Variants in SLC1A4 observed in about 807,000 individuals in gnomAD.
The protein encoded by SLC1A4 is solute carrier family 1 member 4.
A neutral mutation model predicts 37.7 loss-of-function variants in SLC1A4; 19 were observed. That is an observed-to-expected ratio of 0.50 (90% CI 0.35 to 0.74). The LOEUF (loss-of-function observed/expected upper bound fraction) is 0.74. SLC1A4 is among the 30% of genes least tolerant of loss of function. The pLI is 0.01. For missense variants in SLC1A4, 570 were observed against 712.9 expected (o/e 0.80, Z 2.28); for synonymous variants, 299 against 309.8 (o/e 0.97, Z 0.37).
chr2:64,990,018 ACT>A lies in SLC1A4; in HGVS notation c.376_377del (p.Leu126GlufsTer70). On this transcript the variant is annotated frameshift_variant, in exon 1 of 8. Coordinates refer to ENST00000234256, the MANE Select transcript of SLC1A4 (RefSeq NM_003038.5). LOFTEE classifies it high-confidence loss of function. Reference protein sequence around the residue: ...IAVAYFGLTTLSASALAVALA... With the variant: ...IAVAYFGLTTXSASALAVALA... ...CTGTCGCCTACTTTGGCCTCACCAC[ACT>A]GAGTGCCTCGGCGCTCGCCGTGGCC... The A allele has an allele frequency of 4.4e-6, 7 of 1,602,308 alleles. No individual in the cohort carries two copies. Among genetic ancestry groups the A allele is most frequent in the Non-Finnish European group, 6.0e-6 (7 of 1,174,580 alleles).
At chr2:65,009,063 A>G (rs1325434284) in intron 3 of SLC1A4, among the ~76,000 whole-genome samples, 1 of 152,204 alleles carries the variant, frequency 6.6e-6, no homozygotes, top group Non-Finnish European at 1.5e-5. Flanking sequence ...CTCACAATGA[A>G]AAGTTGGAAG....
At chr2:65,002,638 C>T (rs1405467952) in intron 2 of SLC1A4, among the ~76,000 whole-genome samples, 21 of 131,090 alleles carry the variant, frequency 1.6e-4, no homozygotes, top group Non-Finnish European at 2.9e-4. Context: ...AGTGCAGTGG[C>T]GCGATCTTGG....
chr2:65,005,979 G>C (rs1673655624), intron 3 of SLC1A4, among the ~76,000 whole-genome samples: 1 of 152,148 alleles, frequency 6.6e-6, no homozygotes, highest in Non-Finnish European at 1.5e-5. Flanking sequence ...CTCCAGCCTG[G>C]GCAACAGAGC....
At chr2:65,004,206 A>G (rs1304210189) in intron 3 of SLC1A4, among the ~76,000 whole-genome samples, 191 bp downstream of exon 3, 1 of 152,108 alleles carries the variant, frequency 6.6e-6, no homozygotes, top group Non-Finnish European at 1.5e-5. Flanking sequence ...TCAAAGCACT[A>G]CAATCCTCAG....
At chr2:64,989,018 G>T (rs976020822), upstream of SLC1A4, among the ~76,000 whole-genome samples, 10 of 152,160 alleles carry the variant, frequency 6.6e-5, no homozygotes, top group African/African-American at 2.4e-4. Context: ...TGGCCCCGAG[G>T]ACTCAGATCC....
In SLC1A4 at chr2:65,021,806, G is replaced by C. The variant is rs1258707517; in HGVS notation, c.*660G>C. 1 of 152,620 alleles carries C rather than the reference G, an allele frequency of 6.6e-6. No homozygotes were observed. Among genetic ancestry groups the C allele is most frequent in the African/African-American group, 2.4e-5 (1 of 41,448 alleles). 9.5% of individuals were successfully genotyped at this position (152,620 alleles called of 1,614,324 possible). Reference sequence around the variant, plus strand: ...CTTAGGTAAACAACTTAGATTCTGAGGTCAAAGAAAAAAGGAGAGGGAATG... The same window carrying C: ...CTTAGGTAAACAACTTAGATTCTGACGTCAAAGAAAAAAGGAGAGGGAATG... On this transcript the variant is annotated 3_prime_UTR_variant, in exon 8 of 8. Transcript: ENST00000234256.
intron 1 of SLC1A4, among the ~76,000 whole-genome samples, chr2:64,992,614 T>C (rs1673101976): frequency 6.6e-6 from 1 of 152,218 alleles, no homozygotes. Flanking sequence ...CTCAAGGTCA[T>C]GGAGTGGCTT....
intron 4 of SLC1A4, 147 bp downstream of exon 4, chr2:65,010,910 G>A (rs1017285197): frequency 1.3e-6 from 1 of 780,920 alleles, no homozygotes; most frequent in South Asian, 1.9e-5. Flanking sequence ...GCTTGGTACA[G>A]GGGATGATGG....
chr2:64,997,199 T>C (rs1309788439), intron 1 of SLC1A4, among the ~76,000 whole-genome samples: 1 of 152,092 alleles, frequency 6.6e-6, no homozygotes, highest in Non-Finnish European at 1.5e-5. Context: ...TTCCCAGAGA[T>C]TGTTATCTGA....
Position 65,018,332 on chromosome 2 carries a change from A to G in SLC1A4, c.1229+67A>G. On this transcript the variant is annotated intron_variant, in intron 6 of 7. Transcript: ENST00000234256. This position sits in a 1 kb window ranked among gnomAD's most constrained non-coding sequence, Gnocchi z 4.3. ...TTCTTGTGATTTCCTTTGAAAAACCAATCTCACCACAACTTGGTGTCTCGC... is the reference window on the plus strand; with the variant it reads ...TTCTTGTGATTTCCTTTGAAAAACCGATCTCACCACAACTTGGTGTCTCGC... 6.5e-7 allele frequency: 1 copy of G among 1,528,202 alleles called. No individual in the cohort carries two copies. Among genetic ancestry groups the G allele is most frequent in the Non-Finnish European group, 9.0e-7 (1 of 1,116,008 alleles). The allele number at this position is 1,528,202 out of a possible 1,614,324, so 94.7% of individuals were successfully genotyped here.
upstream of SLC1A4, among the ~76,000 whole-genome samples, chr2:64,988,952 T>G (rs1264470341): frequency 7.2e-6 from 1 of 139,564 alleles, no homozygotes; most frequent in Non-Finnish European, 1.6e-5. Context: ...CTCCCTCCCC[T>G]CCCACAGTCC....
intron 2 of SLC1A4, among the ~76,000 whole-genome samples, chr2:65,003,047 G>C (rs1363663357): frequency 6.6e-6 from 1 of 152,166 alleles, no homozygotes; most frequent in African/African-American, 2.4e-5. Flanking sequence ...TATATATAAT[G>C]TGAGGTAGGA....
rs565603410 is a variant in SLC1A4, at chr2:65,001,629, C to CA, written c.570+141dup. ...TGGTAAGATTGGCCTAAACTTTTATCAATGGGTACCTAGAGTTAAAAAACA... is the reference window on the plus strand; with the variant it reads ...TGGTAAGATTGGCCTAAACTTTTATCAAATGGGTACCTAGAGTTAAAAAACA... On this transcript the variant is annotated intron_variant, in intron 2 of 7. Transcript: ENST00000234256. The CA allele has an allele frequency of 6.8e-4, 427 of 626,948 alleles. 3 individuals are homozygous for CA. The highest frequency in any genetic ancestry group is 8.8e-4 in the South Asian group (42 of 47,904). The allele number at this position is 626,948 out of a possible 1,614,324, so 38.8% of individuals were successfully genotyped here. A position where few individuals can be genotyped will look rare whatever the true frequency, so the allele number is the denominator to read the frequency against.
At chr2:65,008,702 A>C (rs974126360) in intron 3 of SLC1A4, among the ~76,000 whole-genome samples, 3 of 152,240 alleles carry the variant, frequency 2.0e-5, no homozygotes, top group African/African-American at 7.2e-5. Flanking sequence ...TAACATTTTA[A>C]GAGGAAGACA....
Position 65,010,752 on chromosome 2 carries a change from C to T in SLC1A4, c.789C>T (p.Ser263=). 1 of 1,612,604 alleles carries T rather than the reference C, an allele frequency of 6.2e-7. No homozygotes were observed. The highest frequency in any genetic ancestry group is 8.5e-7 in the Non-Finnish European group (1 of 1,179,430). The change falls in exon 4 of 8, where the codon TCC becomes TCT. Residue 263 remains serine (S), a synonymous_variant. Transcript: ENST00000234256. ...SLNEATMVLV[S]WIMWYVPVGI... is the part of the protein sequence containing the mutation. ...ACGAGGCGACGATGGTGCTGGTGTC[C>T]TGGATTATGTGGTGAGTGCTGCTTT...
Position 65,023,663 on chromosome 2 carries a change from T to G in SLC1A4, c.*2517T>G, listed in dbSNP as rs999326720. The G allele has an allele frequency of 6.6e-6, 1 of 152,628 alleles. No homozygotes were observed. The highest frequency in any genetic ancestry group is 2.4e-5 in the African/African-American group (1 of 41,432). The allele number at this position is 152,628 out of a possible 1,614,324, so 9.5% of individuals were successfully genotyped here. A position where few individuals can be genotyped will look rare whatever the true frequency, so the allele number is the denominator to read the frequency against. Reference sequence around the variant, plus strand: ...TGCTGTCTATCTTCCTGGTTTTCAGTCCACAGAGTCGGTAGACCAGGGGTT... The same window carrying G: ...TGCTGTCTATCTTCCTGGTTTTCAGGCCACAGAGTCGGTAGACCAGGGGTT... On this transcript the variant is annotated 3_prime_UTR_variant, in exon 8 of 8. Transcript: ENST00000234256.
chr2:65,011,884 T>C (rs1673934870), intron 4 of SLC1A4, among the ~76,000 whole-genome samples: 1 of 152,034 alleles, frequency 6.6e-6, no homozygotes, highest in Non-Finnish European at 1.5e-5. Context: ...TTCTCCTGCC[T>C]CAGCCTCCCG....
At chr2:65,004,172 C>T (rs1003480070) in intron 3 of SLC1A4, among the ~76,000 whole-genome samples, 157 bp downstream of exon 3, 4 of 118,406 alleles carry the variant, frequency 3.4e-5, no homozygotes, top group African/African-American at 1.3e-4. Flanking sequence ...TGGCCAAATA[C>T]CATGGCCAAA....
At chr2:64,994,514 T>A (rs1673177314) in intron 1 of SLC1A4, among the ~76,000 whole-genome samples, 1 of 152,190 alleles carries the variant, frequency 6.6e-6, no homozygotes, top group South Asian at 2.1e-4. Flanking sequence ...CAATTAGGAT[T>A]TTGTCTGTTG....
Sources: gnomAD v4.1 joint callset for allele counts (sites outside exome capture counted in the v4.1 genomes callset) on GRCh38, gnomAD v4.1.1 for gene constraint, Gnocchi (gnomAD v3.1) non-coding constraint, MANE v1.5 for transcripts, NCBI Gene and HGNC (gene_info 2026-07-23, HGNC 2026-07-21) for gene names.